TRIM74: variants seen among roughly 807,000 people sequenced by gnomAD.
TRIM74 encodes the protein tripartite motif containing 74.
Under a neutral mutation model 14.5 loss-of-function variants are expected in TRIM74, and 3 were observed. The ratio of observed to expected loss-of-function variants is 0.21; its 90% confidence interval spans 0.09 to 0.53. The LOEUF (loss-of-function observed/expected upper bound fraction) is 0.53, where lower values mean the gene tolerates loss of function less well. TRIM74 is among the 20% of genes least tolerant of loss of function. The probability of loss-of-function intolerance (pLI) is 0.95; values close to 1 mark genes in which losing one functional copy is unlikely to be tolerated. For synonymous variants in TRIM74, 10 were observed against 71.3 expected (o/e 0.14, Z 4.33); for missense variants, 26 against 174.0 (o/e 0.15, Z 4.79).
At chr7:72,955,124 T>TTC (rs782166604), downstream of TRIM74, among the ~76,000 whole-genome samples, 9,814 of 122,292 alleles carry the variant, frequency 0.08, 302 homozygotes, top group Middle Eastern at 0.11. Context: ...TTTTTTTTTT[T>TTC]CAGACAAAAA....
At chr7:72,969,545 C>A, upstream of TRIM74, 2 of 1,138,934 alleles carry the variant, frequency 1.8e-6, no homozygotes, top group Non-Finnish European at 2.5e-6. Flanking sequence ...TTACGTGTCC[C>A]ATCATGTTTT....
chr7:72,955,148 G>A (rs1363702515), downstream of TRIM74, among the ~76,000 whole-genome samples: 13 of 116,992 alleles, frequency 1.1e-4, no homozygotes, highest in African/African-American at 4.3e-4. Flanking sequence ...TCACTCTGTC[G>A]CGCAGTGTCG....
intron 2 of TRIM74, among the ~76,000 whole-genome samples, chr7:72,962,675 C>T (rs1324034332): frequency 3.5e-4 from 43 of 121,820 alleles, no homozygotes; most frequent in East Asian, 1.6e-3. Flanking sequence ...AGCGAGACTC[C>T]GTCTCAAAAA....
chr7:72,958,556 GTTTTC>G (rs1416851624), downstream of TRIM74, among the ~76,000 whole-genome samples: 2 of 31,128 alleles, frequency 6.4e-5, no homozygotes, highest in African/African-American at 1.9e-4. Flanking sequence ...TTTTTTTCTT[GTTTTC>G]TTTTCTTTTT....
At chr7:72,955,628 C>T (rs1798081119), downstream of TRIM74, among the ~76,000 whole-genome samples, 1 of 150,014 alleles carries the variant, frequency 6.7e-6, no homozygotes. Flanking sequence ...CCGGTTTGGC[C>T]AAATTAAATG....
At chr7:72,955,111 A>ATTTTTTTTT (rs59028605), downstream of TRIM74, 2 of 112,068 alleles carry the variant, frequency 1.8e-5, no homozygotes, top group African/African-American at 8.3e-5. Context: ...ATATATATAT[A>ATTTTTTTTT]TTTTTTTTTT....
chr7:72,960,076 T>C lies in TRIM74; in HGVS notation c.671A>G (p.Gln224Arg). The change falls in exon 4 of 5, where the codon CAA becomes CGA. Residue 224 changes from glutamine (Q) to arginine (R), a missense_variant. Physicochemically the swap from Gln to Arg is conservative, Grantham distance 43. Coordinates refer to ENST00000285805, the MANE Select transcript of TRIM74 (RefSeq NM_198853.3). ...GAACTGTTCCAGCACACACTCGGCT[T>C]GGGCCAGCCGCTCCCGGGTTCCCTG... ...QAQGTRERLA[Q>R]AECVLEQFGN... The C allele has an allele frequency of 6.2e-7, 1 of 1,610,694 alleles. No individual in the cohort carries two copies. Among genetic ancestry groups the C allele is most frequent in the Non-Finnish European group, 8.5e-7 (1 of 1,179,026 alleles).
At chr7:72,967,062 G>A (rs1394699467) in intron 1 of TRIM74, 2 of 152,272 alleles carry the variant, frequency 1.3e-5, no homozygotes, top group Non-Finnish European at 2.9e-5. Context: ...TCACAGGACT[G>A]GGGAGGCAGC....
At chr7:72,956,907 C>A (rs1798104414), downstream of TRIM74, among the ~76,000 whole-genome samples, 1 of 152,192 alleles carries the variant, frequency 6.6e-6, no homozygotes, top group Non-Finnish European at 1.5e-5. Flanking sequence ...GCTGGTGGAT[C>A]CCTTGAGCCC....
downstream of TRIM74, chr7:72,955,111 A>ATATATATATATATATATATTTTT (rs1346659193): frequency 8.9e-6 from 1 of 112,068 alleles, no homozygotes; most frequent in African/African-American, 4.1e-5. Flanking sequence ...ATATATATAT[A>ATATATATATATATATATATTTTT]TTTTTTTTTT....
rs1203115373 is a variant in TRIM74 at position 72,966,649 on chromosome 7, G to T, written c.-18-474C>A. On this transcript the variant is annotated intron_variant, in intron 1 of 4. Coordinates refer to ENST00000285805, the MANE Select transcript of TRIM74 (RefSeq NM_198853.3). ...CTAGAGGCCCACCTTCAAAGGATCT[G>T]CTTCAGGGGGTCTCCAGTGAGACCC... Among the ~76,000 whole-genome samples the T allele has an allele frequency of 1.2e-4, 9 of 74,630 alleles. No individual in the cohort carries two copies. The South Asian group carries it at 3.5e-3, about 29-fold the overall frequency. 49.0% of individuals were successfully genotyped at this position (74,630 alleles called of 152,430 possible).
chr7:72,965,975 G>A lies in TRIM74; in HGVS notation c.183C>T (p.Asp61=), dbSNP rs782527622. ...VRCPMCWQVV[D]GSSSLPNVSL... ...AGACGTTGGGCAAGGAGCTGCTGCCGTCCACCACCTGCCAGCACATGGGGC... is the reference window on the plus strand; with the variant it reads ...AGACGTTGGGCAAGGAGCTGCTGCCATCCACCACCTGCCAGCACATGGGGC... Residue 61 remains aspartate (D), a synonymous_variant, in exon 2 of 5, where the codon GAC becomes GAT. Coordinates refer to ENST00000285805, the MANE Select transcript of TRIM74 (RefSeq NM_198853.3). 2.0e-5 allele frequency: 12 copies of A among 601,686 alleles called. 2 individuals are homozygous for A. Among genetic ancestry groups the A allele is most frequent in the South Asian group, 7.0e-5 (3 of 42,848 alleles). 37.3% of individuals were successfully genotyped at this position (601,686 alleles called of 1,614,324 possible).
At chr7:72,966,563 C>T (rs1798281223) in intron 1 of TRIM74, among the ~76,000 whole-genome samples, 1 of 76,210 alleles carries the variant, frequency 1.3e-5, no homozygotes, top group African/African-American at 1.1e-4. Flanking sequence ...AAGCTCCCCA[C>T]CTTCTAGATC....
downstream of TRIM74, among the ~76,000 whole-genome samples, chr7:72,956,820 GAGGCAGAGGA>G (rs1798103262): frequency 6.8e-6 from 1 of 147,610 alleles, no homozygotes; most frequent in Non-Finnish European, 1.5e-5. Context: ...CTATAAGAGA[GAGGCAGAGGA>G]AGGCCTCTCT....
At chr7:72,955,109 ATAT>A (rs1554505420), downstream of TRIM74, 980 of 111,110 alleles carry the variant, frequency 8.8e-3, 11 homozygotes, top group African/African-American at 0.034. Context: ...ATATATATAT[ATAT>A]TTTTTTTTTT....
chr7:72,954,868 C>T (rs1798058774), downstream of TRIM74: 3 of 534,042 alleles, frequency 5.6e-6, no homozygotes, highest in African/African-American at 8.1e-5. Context: ...ACCTGCCGGG[C>T]TAGGGAGTGC....
At chr7:72,955,371 A>G (rs1468015970), downstream of TRIM74, among the ~76,000 whole-genome samples, 1 of 131,170 alleles carries the variant, frequency 7.6e-6, no homozygotes, top group African/African-American at 3.1e-5. Context: ...TTTTGGGATT[A>G]CAGGCGTGAG....
upstream of TRIM74, chr7:72,969,533 C>G: frequency 2.9e-6 from 3 of 1,032,474 alleles, no homozygotes; most frequent in East Asian, 5.4e-5. Flanking sequence ...TGTGTGGTCC[C>G]GTTACGTGTC....
intron 1 of TRIM74, chr7:72,966,761 C>G (rs1175933233): frequency 4.1e-5 from 3 of 72,690 alleles, no homozygotes; most frequent in East Asian, 2.9e-4. Flanking sequence ...CCCACCTGCT[C>G]CCCTATGAAA....
Sources: gnomAD v4.1 joint callset for allele counts (sites outside exome capture counted in the v4.1 genomes callset) on GRCh38, gnomAD v4.1.1 for gene constraint, MANE v1.5 for transcripts, NCBI Gene and HGNC (gene_info 2026-07-23, HGNC 2026-07-21) for gene names.